SLC14A2: variants seen among roughly 807,000 people sequenced by gnomAD.
SLC14A2 encodes urea transporter 2.
SLC14A2 carries 91 observed loss-of-function variants against 104.6 expected under a neutral mutation model. The observed-to-expected ratio is 0.87, with a 90% confidence interval of 0.73 to 1.04. The LOEUF (loss-of-function observed/expected upper bound fraction) is 1.04. SLC14A2 is among the 50% of genes least tolerant of loss of function. SLC14A2 has a pLI of 0.00. For missense variants in SLC14A2, 1,189 were observed against 1,156.0 expected (o/e 1.03, Z -0.41); for synonymous variants, 476 against 466.4 (o/e 1.02, Z -0.27).
intron 2 of SLC14A2, among the ~76,000 whole-genome samples, chr18:45,488,020 G>GA (rs1337242660): frequency 7.9e-5 from 12 of 151,984 alleles, no homozygotes; most frequent in Admixed American, 3.9e-4. Flanking sequence ...TTTTACATGT[G>GA]AAAAAAATAA....
upstream of SLC14A2, among the ~76,000 whole-genome samples, chr18:45,211,631 T>C (rs2083962635): frequency 6.6e-6 from 1 of 152,212 alleles, no homozygotes; most frequent in African/African-American, 2.4e-5. Flanking sequence ...CTCTGCTTTT[T>C]TCTCCTTCTT....
intron 2 of SLC14A2, among the ~76,000 whole-genome samples, chr18:45,494,102 C>G (rs2043049187): frequency 6.6e-6 from 1 of 152,198 alleles, no homozygotes; most frequent in Admixed American, 6.5e-5. Context: ...TTCTGTACTT[C>G]TTTCTCCAGA....
chr18:45,646,421 G>T (rs1030553229), intron 10 of SLC14A2: 2 of 152,078 alleles, frequency 1.3e-5, no homozygotes, highest in Admixed American at 6.5e-5. Flanking sequence ...TGGAGGCAAG[G>T]CTCCCAAAGT....
At chr18:45,567,670 T>C (rs2044285818) in intron 2 of SLC14A2, among the ~76,000 whole-genome samples, 1 of 152,130 alleles carries the variant, frequency 6.6e-6, no homozygotes. Context: ...TTAGCTGTCC[T>C]GCGTCAAGCA....
intron 1 of SLC14A2, among the ~76,000 whole-genome samples, chr18:45,328,657 G>T (rs895190457): frequency 1.3e-5 from 2 of 152,158 alleles, no homozygotes; most frequent in Admixed American, 1.3e-4. Flanking sequence ...TCTCTTCCTT[G>T]ACCCTAACTG....
intron 1 of SLC14A2, among the ~76,000 whole-genome samples, chr18:45,265,743 C>T (rs2084585913): frequency 1.3e-5 from 2 of 152,170 alleles, no homozygotes. Context: ...AGGGCAAGCC[C>T]ATCATTTGGG....
upstream of SLC14A2, among the ~76,000 whole-genome samples, chr18:45,211,460 T>G (rs898718587): frequency 7.6e-4 from 116 of 152,200 alleles, 6 homozygotes. Context: ...TTCAGATGAC[T>G]TCTTTAACTT....
chr18:45,180,862 A>G, the SLC14A2 span: 1 of 151,934 alleles, frequency 6.6e-6, no homozygotes, highest in East Asian at 1.9e-4. Context: ...ATAAGAAAAT[A>G]AAAAAGTTTA....
chr18:45,425,115 T>C (rs542141454), intron 1 of SLC14A2, among the ~76,000 whole-genome samples: 9 of 152,094 alleles, frequency 5.9e-5, no homozygotes, highest in Non-Finnish European at 1.3e-4. Context: ...CCTTTAGGAG[T>C]TGAGATTTTC....
chr18:45,307,516 G>T (rs2085036135), intron 1 of SLC14A2, among the ~76,000 whole-genome samples: 1 of 151,812 alleles, frequency 6.6e-6, no homozygotes. Context: ...GAGGCGAATG[G>T]CCTGCTGTGG....
At chr18:45,602,742 CT>C (rs1230965536) in intron 2 of SLC14A2, among the ~76,000 whole-genome samples, 2 of 152,222 alleles carry the variant, frequency 1.3e-5, no homozygotes, top group African/African-American at 4.8e-5. Flanking sequence ...AAGCCTTCTG[CT>C]TCCTTGTGGT....
intron 2 of SLC14A2, among the ~76,000 whole-genome samples, chr18:45,582,342 C>T (rs1292231349): frequency 6.6e-6 from 1 of 152,122 alleles, no homozygotes; most frequent in African/African-American, 2.4e-5. Flanking sequence ...TGTGCAAAAT[C>T]CTCTGCTTCT....
At chr18:45,431,500 A>G (rs28706538) in intron 1 of SLC14A2, among the ~76,000 whole-genome samples, 1,574 of 152,356 alleles carry the variant, frequency 0.01, 25 homozygotes, top group African/African-American at 0.036. Context: ...AGTGCCTAGC[A>G]TATGGTATGC....
At chr18:45,631,328 G>T (rs2045342265) in intron 4 of SLC14A2, among the ~76,000 whole-genome samples, 1 of 152,206 alleles carries the variant, frequency 6.6e-6, no homozygotes, top group Admixed American at 6.5e-5. Context: ...CCTTGGCAGG[G>T]GCCTTGCATC....
intron 1 of SLC14A2, among the ~76,000 whole-genome samples, chr18:45,307,540 T>C (rs1236845868): frequency 6.6e-6 from 1 of 151,164 alleles, no homozygotes; most frequent in Non-Finnish European, 1.5e-5. Flanking sequence ...GGAGAACATA[T>C]ATCTCCTCCC....
intron 1 of SLC14A2, among the ~76,000 whole-genome samples, chr18:45,621,824 G>A (rs1371753261): frequency 6.6e-6 from 1 of 152,208 alleles, no homozygotes; most frequent in African/African-American, 2.4e-5. Flanking sequence ...GATCTGCGAG[G>A]GTTTATTTAG....
chr18:45,502,764 C>A (rs934518189), intron 2 of SLC14A2, among the ~76,000 whole-genome samples: 9 of 152,178 alleles, frequency 5.9e-5, no homozygotes, highest in Admixed American at 5.9e-4. Context: ...AGAACTGAAA[C>A]ATAAATAAGT....
At chr18:45,669,246 C>T (rs1038196512) in intron 15 of SLC14A2, 60 bp from the exon 16 acceptor site, 9 of 1,400,904 alleles carry the variant, frequency 6.4e-6, no homozygotes, top group South Asian at 2.6e-5. Flanking sequence ...CACTGCAGCA[C>T]AGTCTAGTGT....
At chr18:45,207,916 C>T in the SLC14A2 span, among the ~76,000 whole-genome samples, 2 of 152,086 alleles carry the variant, frequency 1.3e-5, no homozygotes, top group Non-Finnish European at 2.9e-5. Flanking sequence ...CACAGTAACC[C>T]TATGAGTTTA....
Sources: allele counts gnomAD v4.1 joint callset (sites outside exome capture counted in the v4.1 genomes callset), GRCh38; gene constraint gnomAD v4.1.1; transcripts MANE v1.5; gene names NCBI Gene and HGNC (gene_info 2026-07-23, HGNC 2026-07-21).